ANKRD28: variants seen among roughly 807,000 people sequenced by gnomAD.
ANKRD28 encodes the protein ankyrin repeat domain 28, also known as serine/threonine-protein phosphatase 6 regulatory ankyrin repeat subunit A.
Under a neutral mutation model 126.5 loss-of-function variants are expected in ANKRD28, and 44 were observed. That is an observed-to-expected ratio of 0.35 (90% CI 0.27 to 0.45). ANKRD28 has a LOEUF of 0.45. Among genes scored for constraint, ANKRD28 ranks in the 20% least tolerant of loss-of-function variants. The probability of loss-of-function intolerance (pLI) is 1.00; values close to 1 mark genes in which losing one functional copy is unlikely to be tolerated. For missense variants in ANKRD28, 1,110 were observed against 1,316.6 expected, an observed-to-expected ratio of 0.84 and a Z score of 2.43; for synonymous variants, 442 against 468.5, an observed-to-expected ratio of 0.94 and a Z score of 0.73.
intron 12 of ANKRD28, among the ~76,000 whole-genome samples, chr3:15,710,969 C>G (rs998831580): frequency 6.6e-6 from 1 of 152,098 alleles, no homozygotes; most frequent in Non-Finnish European, 1.5e-5. Flanking sequence ...TGTTCTTTTA[C>G]AGAAGGCAGT....
Position 15,795,252 on chromosome 3 carries a change from T to C in ANKRD28, c.172A>G (p.Ile58Val). 1 of 1,612,564 alleles carries C rather than the reference T, an allele frequency of 6.2e-7. No homozygotes were observed. The highest frequency in any genetic ancestry group is 8.5e-7 in the Non-Finnish European group (1 of 1,178,798). The part of the protein sequence containing the change: ...NGDPDEVRAL[I>V]FKKEDVNFQD... ...AAGTTAACATCTTCTTTCTTAAATATTAGTGCTCGAACTTCATCAGGATCT... is the reference window on the plus strand; with the variant it reads ...AAGTTAACATCTTCTTTCTTAAATACTAGTGCTCGAACTTCATCAGGATCT... The change falls in exon 2 of 28, where the codon ATA (isoleucine) becomes GTA (valine). Residue 58 changes from isoleucine to valine, a missense_variant. Coordinates refer to ENST00000683139, the MANE Select transcript of ANKRD28 (RefSeq NM_001349278.2).
chr3:15,762,764 T>TA (rs978562709), intron 3 of ANKRD28, among the ~76,000 whole-genome samples: 13 of 151,090 alleles, frequency 8.6e-5, no homozygotes, highest in South Asian at 6.3e-4. Flanking sequence ...AAATGCTCCT[T>TA]AAAAAAAAAT....
chr3:15,765,290 C>T (rs1400194832), intron 3 of ANKRD28, among the ~76,000 whole-genome samples: 1 of 152,044 alleles, frequency 6.6e-6, no homozygotes, highest in African/African-American at 2.4e-5. Context: ...ATTATAAAGA[C>T]TTAAATAGTT....
chr3:15,831,933 T>C lies in ANKRD28; in HGVS notation c.27+27444A>G, dbSNP rs575858688. 3.9e-5 allele frequency among the ~76,000 whole-genome samples: 6 copies of C among 152,338 alleles called. No individual in the cohort carries two copies. In the East Asian group the frequency reaches 1.2e-3, roughly 29 times the overall value. On this transcript the variant is annotated intron_variant, in intron 1 of 27. Transcript: ENST00000399451. Reference sequence around the variant, plus strand: ...AAGATAGACTAGTTTTCTTCAACCTTGGGAGTATACATCAAAATAACCCCC... The same window carrying C: ...AAGATAGACTAGTTTTCTTCAACCTCGGGAGTATACATCAAAATAACCCCC...
chr3:15,848,553 T>C (rs2061574636), intron 1 of ANKRD28, among the ~76,000 whole-genome samples: 1 of 151,990 alleles, frequency 6.6e-6, no homozygotes, highest in Non-Finnish European at 1.5e-5. Flanking sequence ...TGCATGCCTG[T>C]GGTCCCACCT....
At chr3:15,859,524 C>A in exon 1 of ANKRD28, 1 of 909,680 alleles carries the variant, frequency 1.1e-6, no homozygotes, top group Non-Finnish European at 1.5e-6. Context: ...AGCGGGTCCG[C>A]GGCCGACTGC....
At chr3:15,676,186 G>A (rs2246960) in intron 26 of ANKRD28, 197 bp from the exon 27 acceptor site, 211,224 of 403,640 alleles carry the variant, frequency 0.52, 60,057 homozygotes, top group Non-Finnish European at 0.6. Context: ...CCTTGTCAAC[G>A]TGTAGCTCGG....
intron 2 of ANKRD28, among the ~76,000 whole-genome samples, chr3:15,768,784 G>C (rs1219765316): frequency 1.3e-5 from 2 of 152,196 alleles, no homozygotes; most frequent in African/African-American, 4.8e-5. Context: ...CCAGTAAAGG[G>C]AGGTTGATAT....
intron 4 of ANKRD28, among the ~76,000 whole-genome samples, chr3:15,744,523 G>A (rs1444727234): frequency 6.7e-6 from 1 of 148,854 alleles, no homozygotes; most frequent in Non-Finnish European, 1.5e-5. Context: ...CACCATGTTG[G>A]CCAGGCTGGT....
chr3:15,733,657 T>C (rs1395025927), intron 6 of ANKRD28, among the ~76,000 whole-genome samples: 2 of 152,254 alleles, frequency 1.3e-5, no homozygotes, highest in Non-Finnish European at 2.9e-5. Flanking sequence ...AGGTCTCTGA[T>C]GCATGAATGC....
At chr3:15,688,141 G>A (rs1031792226) in intron 18 of ANKRD28, among the ~76,000 whole-genome samples, 1 of 149,954 alleles carries the variant, frequency 6.7e-6, no homozygotes, top group Non-Finnish European at 1.5e-5. Context: ...TAATGTCTCA[G>A]TTCAATATTT....
rs199960929 is a variant in ANKRD28 at position 15,680,654 on chromosome 3, TA to T, written c.2390-1092del. 4.4e-3 allele frequency among the ~76,000 whole-genome samples: 666 copies of T among 152,286 alleles called. 8 individuals carry two copies. Among genetic ancestry groups the T allele is most frequent in the East Asian group, 0.023 (121 of 5,182 alleles). On this transcript the variant is annotated intron_variant, in intron 21 of 27. Coordinates refer to ENST00000683139, the MANE Select transcript of ANKRD28 (RefSeq NM_001349278.2). ...ACAACGCTGTAATGAAACATTCTGG[TA>T]TTTTTTTATTTTATTAAAACAATTT... is the stretch of plus-strand genomic sequence containing the variant.
At chr3:15,736,923 G>A in intron 5 of ANKRD28, 110 bp downstream of exon 5, 1 of 1,144,828 alleles carries the variant, frequency 8.7e-7, no homozygotes, top group Non-Finnish European at 1.2e-6. Context: ...ACAAAAATGA[G>A]AAAGATAAAT....
intron 5 of ANKRD28, 58 bp downstream of exon 5, chr3:15,736,975 A>G: frequency 6.5e-7 from 1 of 1,548,686 alleles, no homozygotes. Context: ...AAGTTCTTTA[A>G]TAAGTGGGGG....
At chr3:15,811,942 T>C (rs1471191373) in intron 1 of ANKRD28, among the ~76,000 whole-genome samples, 1 of 151,628 alleles carries the variant, frequency 6.6e-6, no homozygotes, top group East Asian at 1.9e-4. Context: ...TCACTTCAGT[T>C]AGGAGTTCAA....
Position 15,838,279 on chromosome 3 carries a change from C to T in ANKRD28, c.27+21098G>A, listed in dbSNP as rs530220364. On this transcript the variant is annotated intron_variant, in intron 1 of 27. Coordinates refer to the ANKRD28 transcript ENST00000399451. This position sits in a 1 kb window ranked among gnomAD's most constrained non-coding sequence, Gnocchi z 4.0. ...AATTCCCTCCATGAGGCTAACATTA[C>T]CTTAATACCAAAGCCAGACAAAGAT... Among the ~76,000 whole-genome samples the T allele has an allele frequency of 6.6e-6, 1 of 152,166 alleles. No individual in the cohort carries two copies. Among genetic ancestry groups the T allele is most frequent in the Non-Finnish European group, 1.5e-5 (1 of 68,026 alleles).
At chr3:15,693,944 G>A (rs2069163766) in intron 17 of ANKRD28, among the ~76,000 whole-genome samples, 1 of 152,124 alleles carries the variant, frequency 6.6e-6, no homozygotes, top group Non-Finnish European at 1.5e-5. Context: ...AACTGAACTT[G>A]TAGTGTTCCA....
At position 15,696,114 on chromosome 3, in the gene ANKRD28, C is replaced by G; in HGVS notation, c.1659+20G>C. On this transcript the variant is annotated intron_variant, in intron 15 of 27. Coordinates refer to ENST00000683139, the MANE Select transcript of ANKRD28 (RefSeq NM_001349278.2). ...CTATAAACTCCCATTAGGTCTTTCA[C>G]AAGAATTCAGGAATCTTACCAGCTG... 6.6e-7 allele frequency: 1 copy of G among 1,503,778 alleles called. No individual in the cohort carries two copies. The highest frequency in any genetic ancestry group is 1.2e-5 in the South Asian group (1 of 83,492). The allele number at this position is 1,503,778 out of a possible 1,614,324, so 93.2% of individuals were successfully genotyped here.
chr3:15,705,406 G>A (rs1469426421), intron 14 of ANKRD28, among the ~76,000 whole-genome samples: 2 of 152,122 alleles, frequency 1.3e-5, no homozygotes, highest in African/African-American at 2.4e-5. Context: ...TTGGGGGAAG[G>A]AATGTGGGAG....
Sources: gnomAD v4.1 joint callset for allele counts (sites outside exome capture counted in the v4.1 genomes callset) on GRCh38, gnomAD v4.1.1 for gene constraint, Gnocchi (gnomAD v3.1) non-coding constraint, MANE v1.5 for transcripts, NCBI Gene and HGNC (gene_info 2026-07-23, HGNC 2026-07-21) for gene names.